LCORL: variants seen among roughly 807,000 people sequenced by gnomAD.
LCORL encodes the protein ligand-dependent nuclear receptor corepressor-like protein.
Under a neutral mutation model 141.8 loss-of-function variants are expected in LCORL, and 41 were observed. That is an observed-to-expected ratio of 0.29 (90% confidence interval 0.23 to 0.38). The LOEUF is 0.38. Among genes scored for constraint, LCORL ranks in the 10% least tolerant of loss-of-function variants. LCORL has a pLI of 1.00. For synonymous variants in LCORL, 618 were observed against 694.1 expected (o/e 0.89, Z 1.72); for missense variants, 1,759 against 2,035.0 (o/e 0.86, Z 2.61).
chr4:17,894,460 T>C (rs1326680549), intron 5 of LCORL, among the ~76,000 whole-genome samples: 1 of 152,188 alleles, frequency 6.6e-6, no homozygotes, highest in African/African-American at 2.4e-5. Context: ...AGAAATTAAA[T>C]AAAAGGATTT....
intron 4 of LCORL, among the ~76,000 whole-genome samples, chr4:17,945,749 A>G (rs921819090): frequency 2.0e-5 from 3 of 151,976 alleles, no homozygotes; most frequent in African/African-American, 7.2e-5. Flanking sequence ...TTAGAGTTTT[A>G]GATGCATTAT....
At chr4:17,952,425 T>C (rs888944475) in intron 4 of LCORL, among the ~76,000 whole-genome samples, 1 of 151,544 alleles carries the variant, frequency 6.6e-6, no homozygotes, top group African/African-American at 2.4e-5. Context: ...TTTTTTTTTT[T>C]TTTTTTTTGA....
intron 5 of LCORL, among the ~76,000 whole-genome samples, chr4:17,898,192 T>A (rs1447682009): frequency 1.3e-5 from 2 of 152,188 alleles, no homozygotes; most frequent in African/African-American, 4.8e-5. Context: ...TTCCTTAAAG[T>A]ATTTTTTTGC....
At chr4:18,007,421 T>C (rs903636242) in intron 1 of LCORL, among the ~76,000 whole-genome samples, 3 of 152,234 alleles carry the variant, frequency 2.0e-5, no homozygotes, top group African/African-American at 7.2e-5. Flanking sequence ...AATCATCTTA[T>C]GATTGTTCAT....
intron 1 of LCORL, among the ~76,000 whole-genome samples, chr4:17,974,078 A>T (rs1292796565): frequency 1.3e-5 from 2 of 152,032 alleles, no homozygotes; most frequent in Non-Finnish European, 1.5e-5. Flanking sequence ...CTGGGTAGAG[A>T]CTCAGACAGA....
chr4:17,945,701 AAGATATCAAG>A (rs1193851436), intron 4 of LCORL, among the ~76,000 whole-genome samples: 5 of 152,038 alleles, frequency 3.3e-5, no homozygotes, highest in Non-Finnish European at 7.4e-5. Context: ...TCTTATGGTT[AAGATATCAAG>A]AGGAAATAAA....
At chr4:17,861,004 T>G (rs1048179332) in intron 7 of LCORL, among the ~76,000 whole-genome samples, 1 of 152,182 alleles carries the variant, frequency 6.6e-6, no homozygotes, top group African/African-American at 2.4e-5. Context: ...GCTGCTTTCA[T>G]GGGATGGCTT....
At chr4:17,974,951 T>C (rs1386000995) in intron 1 of LCORL, among the ~76,000 whole-genome samples, 1 of 152,116 alleles carries the variant, frequency 6.6e-6, no homozygotes, top group Non-Finnish European at 1.5e-5. Context: ...TCAGTTTAGG[T>C]ATCGTCTCTC....
intron 4 of LCORL, among the ~76,000 whole-genome samples, chr4:17,924,077 A>G (rs2109387981): frequency 6.6e-6 from 1 of 152,142 alleles, no homozygotes; most frequent in Non-Finnish European, 1.5e-5. Flanking sequence ...TGTTTTGGCT[A>G]GATGGTCATG....
At chr4:17,906,437 A>G (rs1350664294) in intron 5 of LCORL, among the ~76,000 whole-genome samples, 4 of 152,170 alleles carry the variant, frequency 2.6e-5, no homozygotes, top group African/African-American at 7.2e-5. Context: ...TATCCTCAAG[A>G]AGACTAGAAT....
intron 6 of LCORL, chr4:17,880,457 A>C: frequency 1.1e-6 from 1 of 932,918 alleles, no homozygotes; most frequent in Non-Finnish European, 1.3e-6. Flanking sequence ...TATAAACCAA[A>C]CATACTGCCT....
intron 2 of LCORL, among the ~76,000 whole-genome samples, chr4:17,968,801 T>C (rs1023435970): frequency 6.6e-6 from 1 of 152,196 alleles, no homozygotes; most frequent in African/African-American, 2.4e-5. Context: ...ATGTTAACTT[T>C]TTTAACCATT....
At position 17,939,122 on chromosome 4, in the gene LCORL, T is replaced by G. The variant is rs1737385105; in HGVS notation, c.430+22781A>C. 2.0e-5 allele frequency among the ~76,000 whole-genome samples: 3 copies of G among 152,156 alleles called. No homozygotes were observed. In the South Asian group the frequency reaches 6.2e-4, roughly 32 times the overall value. ...ACCCAATTAAAAATGAGCAAATGAC[T>G]TGAACAGATCCTTTAAAAAGGAAGA... On this transcript the variant is annotated intron_variant, in intron 4 of 7. Coordinates refer to ENST00000635767, the Ensembl canonical transcript of LCORL.
Position 17,886,030 on chromosome 4 carries a change from A to G in LCORL, c.776+38T>C, listed in dbSNP as rs776326418. On this transcript the variant is annotated intron_variant, in intron 6 of 7. Coordinates refer to ENST00000635767, the Ensembl canonical transcript of LCORL. ...AAGAGTTCTCTGCAGAGATAATTTT[A>G]TATTAATATTAAATTATATTTCCTA... 4.7e-6 allele frequency: 5 copies of G among 1,060,658 alleles called. No homozygotes were observed. In the South Asian group the frequency reaches 7.6e-5, roughly 16 times the overall value. 65.7% of individuals were successfully genotyped at this position (1,060,658 alleles called of 1,614,324 possible). A position where few individuals can be genotyped will look rare whatever the true frequency, so the allele number is the denominator to read the frequency against.
chr4:17,922,465 A>G (rs1187949736), intron 4 of LCORL, among the ~76,000 whole-genome samples: 1 of 152,218 alleles, frequency 6.6e-6, no homozygotes. Flanking sequence ...ACCAAGGAAT[A>G]TAATGAAGTC....
intron 4 of LCORL, among the ~76,000 whole-genome samples, chr4:17,939,050 T>C (rs1176476472): frequency 6.6e-6 from 1 of 152,212 alleles, no homozygotes; most frequent in Non-Finnish European, 1.5e-5. Context: ...AAAGGACTTT[T>C]ATCCAGAATT....
chr4:17,979,834 C>T (rs948757615), intron 1 of LCORL, among the ~76,000 whole-genome samples: 1 of 152,072 alleles, frequency 6.6e-6, no homozygotes, highest in African/African-American at 2.4e-5. Context: ...TATCAGCTGA[C>T]CTTAAAATAA....
intron 6 of LCORL, among the ~76,000 whole-genome samples, chr4:17,879,845 A>G (rs1401617699): frequency 6.6e-6 from 1 of 151,060 alleles, no homozygotes; most frequent in Non-Finnish European, 1.5e-5. Context: ...AATATGTTGT[A>G]TTTTAACGAT....
chr4:18,003,573 T>C (rs1722320152), intron 1 of LCORL, among the ~76,000 whole-genome samples: 1 of 152,142 alleles, frequency 6.6e-6, no homozygotes, highest in Non-Finnish European at 1.5e-5. Flanking sequence ...TCAAAAGTAA[T>C]GGCAAAATAT....
Sources: gnomAD v4.1 joint callset for allele counts (sites outside exome capture counted in the v4.1 genomes callset) on GRCh38, gnomAD v4.1.1 for gene constraint, MANE v1.5 for transcripts, NCBI Gene and HGNC (gene_info 2026-07-23, HGNC 2026-07-21) for gene names.